The following THSD7B variants were observed in gnomAD, a reference collection of about 807,000 sequenced individuals.
THSD7B encodes thrombospondin type-1 domain-containing protein 7B.
Under a neutral mutation model 213.6 loss-of-function variants are expected in THSD7B, and 138 were observed. That is an observed-to-expected ratio of 0.65 (90% CI 0.56 to 0.74). The LOEUF is 0.74. Ranked by LOEUF, THSD7B falls within the 30% of genes least tolerant of loss-of-function variation. THSD7B has a pLI of 0.00. For synonymous variants in THSD7B, 742 were observed against 687.0 expected (o/e 1.08, Z -1.25); for missense variants, 1,931 against 1,991.5 (o/e 0.97, Z 0.58).
intron 1 of THSD7B, among the ~76,000 whole-genome samples, chr2:136,805,818 C>A (rs997881855): frequency 6.6e-6 from 1 of 152,212 alleles, no homozygotes; most frequent in Non-Finnish European, 1.5e-5. Context: ...CAGCTTCCAG[C>A]AACTGCTCTG....
chr2:136,875,718 A>T (rs920102321), intron 1 of THSD7B, among the ~76,000 whole-genome samples: 1 of 152,182 alleles, frequency 6.6e-6, no homozygotes, highest in Non-Finnish European at 1.5e-5. Flanking sequence ...GGCACCTTAA[A>T]GGAGTTAGGT....
At chr2:137,457,344 T>C (rs1013667810) in intron 15 of THSD7B, among the ~76,000 whole-genome samples, 1 of 152,218 alleles carries the variant, frequency 6.6e-6, no homozygotes, top group African/African-American at 2.4e-5. Context: ...AGGTATTTGC[T>C]ATGCACCTCT....
At chr2:137,132,204 T>A (rs919726112) in intron 5 of THSD7B, among the ~76,000 whole-genome samples, 2 of 151,390 alleles carry the variant, frequency 1.3e-5, no homozygotes, top group Admixed American at 6.6e-5. Flanking sequence ...TGTATAAGTA[T>A]GCTTGTGATT....
At chr2:137,382,863 A>G (rs1009008941) in intron 12 of THSD7B, among the ~76,000 whole-genome samples, 8 of 152,134 alleles carry the variant, frequency 5.3e-5, no homozygotes, top group Admixed American at 1.3e-4. Context: ...CCCATTCCCA[A>G]TGGGACATGG....
intron 3 of THSD7B, among the ~76,000 whole-genome samples, chr2:137,079,133 A>T (rs1687691244): frequency 6.6e-6 from 1 of 152,218 alleles, no homozygotes; most frequent in South Asian, 2.1e-4. Flanking sequence ...AGCCTGGGCA[A>T]CATAGTGAGA....
At chr2:137,341,673 ATTC>A (rs1684764650) in intron 12 of THSD7B, among the ~76,000 whole-genome samples, 1 of 151,618 alleles carries the variant, frequency 6.6e-6, no homozygotes, top group Non-Finnish European at 1.5e-5. Flanking sequence ...GTCCACTTTC[ATTC>A]TTCTGCATAT....
chr2:137,412,445 A>G (rs1686679900), intron 14 of THSD7B, among the ~76,000 whole-genome samples: 1 of 151,948 alleles, frequency 6.6e-6, no homozygotes, highest in African/African-American at 2.4e-5. Context: ...TACTGAAAAT[A>G]CAAAATTAGC....
intron 12 of THSD7B, among the ~76,000 whole-genome samples, chr2:137,365,127 A>C (rs1387814549): frequency 6.6e-6 from 1 of 152,250 alleles, no homozygotes. Context: ...CATGACAAAA[A>C]CAAGAAATGA....
intron 14 of THSD7B, among the ~76,000 whole-genome samples, chr2:137,436,497 C>A (rs1218589824): frequency 6.6e-6 from 1 of 152,140 alleles, no homozygotes; most frequent in Non-Finnish European, 1.5e-5. Context: ...TCTGTTCCTG[C>A]TGCTGTTTGT....
At chr2:137,117,664 C>G (rs556192309) in intron 5 of THSD7B, among the ~76,000 whole-genome samples, 1 of 152,240 alleles carries the variant, frequency 6.6e-6, no homozygotes, top group South Asian at 2.1e-4. Flanking sequence ...CATACAAAAC[C>G]CCATCATCCA....
intron 20 of THSD7B, among the ~76,000 whole-genome samples, chr2:137,640,603 G>C (rs773859637): frequency 3.9e-5 from 6 of 152,058 alleles, no homozygotes. Context: ...ACCCAAACAA[G>C]GGACTTAAAT....
chr2:137,295,409 T>G (rs1553436462), intron 12 of THSD7B, among the ~76,000 whole-genome samples: 1 of 152,172 alleles, frequency 6.6e-6, no homozygotes, highest in Non-Finnish European at 1.5e-5. Context: ...CTGCATATTA[T>G]GCCTTCATCA....
At chr2:137,537,991 G>C (rs1224422139) in intron 15 of THSD7B, among the ~76,000 whole-genome samples, 1 of 151,686 alleles carries the variant, frequency 6.6e-6, no homozygotes, top group Non-Finnish European at 1.5e-5. Flanking sequence ...AAGATACATG[G>C]TTGAAGAAGA....
At chr2:137,075,481 A>G (rs1331148891) in intron 3 of THSD7B, among the ~76,000 whole-genome samples, 1 of 152,010 alleles carries the variant, frequency 6.6e-6, no homozygotes, top group Non-Finnish European at 1.5e-5. Context: ...CTAGTTATCC[A>G]TTCATCTAAT....
At chr2:137,583,454 G>A (rs560199182) in intron 17 of THSD7B, among the ~76,000 whole-genome samples, 48 of 152,276 alleles carry the variant, frequency 3.2e-4, no homozygotes, top group African/African-American at 1.1e-3. Flanking sequence ...TTTTCTTCTA[G>A]GGTTTTTATG....
At chr2:137,625,332 G>C (rs1220437874) in intron 20 of THSD7B, among the ~76,000 whole-genome samples, 2 of 106,380 alleles carry the variant, frequency 1.9e-5, no homozygotes, top group Non-Finnish European at 3.6e-5. Context: ...TCATGGGGTG[G>C]GGGGAGGGGG....
At chr2:136,890,280 C>A (rs1683792989) in intron 2 of THSD7B, among the ~76,000 whole-genome samples, 1 of 101,266 alleles carries the variant, frequency 9.9e-6, no homozygotes, top group Non-Finnish European at 1.9e-5. Flanking sequence ...GTACTCATTG[C>A]TCATTCATGT....
intron 6 of THSD7B, among the ~76,000 whole-genome samples, chr2:137,169,985 A>G (rs573416118): frequency 6.6e-6 from 1 of 152,294 alleles, no homozygotes; most frequent in Non-Finnish European, 1.5e-5. Context: ...GAGCAGGCCC[A>G]TTAACCCAAA....
intron 3 of THSD7B, among the ~76,000 whole-genome samples, chr2:137,085,952 C>G (rs1687832491): frequency 6.6e-6 from 1 of 152,202 alleles, no homozygotes; most frequent in Non-Finnish European, 1.5e-5. Context: ...TCTTCAGAAT[C>G]TATGCATATG....
Sources: allele counts gnomAD v4.1 joint callset (sites outside exome capture counted in the v4.1 genomes callset), GRCh38; gene constraint gnomAD v4.1.1; transcripts MANE v1.5; gene names NCBI Gene and HGNC (gene_info 2026-07-23, HGNC 2026-07-21).